DIP2A: variants seen among roughly 807,000 people sequenced by gnomAD.
DIP2A encodes DIP2 acetate--CoA ligase A, also known as disco-interacting protein 2 homolog A.
In DIP2A, 85 loss-of-function variants were observed where a neutral mutation model predicts 177.4. The observed-to-expected ratio is 0.48, with a 90% CI of 0.40 to 0.57. The LOEUF is 0.57. DIP2A is among the 20% of genes least tolerant of loss of function. The pLI is 0.00. For missense variants in DIP2A, 1,791 were observed against 2,100.2 expected, an observed-to-expected ratio of 0.85 and a Z score of 2.88; for synonymous variants, 886 against 881.8, an observed-to-expected ratio of 1.00 and a Z score of -0.08.
At chr21:46,513,319 T>G (rs2058397355) in intron 8 of DIP2A, among the ~76,000 whole-genome samples, 1 of 152,246 alleles carries the variant, frequency 6.6e-6, no homozygotes, top group African/African-American at 2.4e-5. Context: ...CATTTTCTTA[T>G]GAGTATCTAA....
intron 36 of DIP2A, 118 bp downstream of exon 36, chr21:46,566,005 GT>G: frequency 8.4e-7 from 1 of 1,194,260 alleles, no homozygotes; most frequent in Non-Finnish European, 1.2e-6. Context: ...ATTGCTCCTT[GT>G]GGGGGGAAGA....
chr21:46,526,075 A>AT (rs1427493242), intron 8 of DIP2A, among the ~76,000 whole-genome samples: 3 of 150,938 alleles, frequency 2.0e-5, no homozygotes, highest in African/African-American at 7.3e-5. Flanking sequence ...CACCCGGCTA[A>AT]TTTTTTTTAT....
intron 1 of DIP2A, among the ~76,000 whole-genome samples, chr21:46,483,089 A>C (rs1404852280): frequency 6.6e-6 from 1 of 152,128 alleles, no homozygotes; most frequent in Non-Finnish European, 1.5e-5. Context: ...ATGTACTTCC[A>C]AGGGGTACCC....
chr21:46,502,317 A>C (rs1396332272), intron 5 of DIP2A, among the ~76,000 whole-genome samples: 1 of 150,094 alleles, frequency 6.7e-6, no homozygotes, highest in Non-Finnish European at 1.5e-5. Context: ...TTTTTTTAAG[A>C]GATGGGAGCT....
intron 6 of DIP2A, among the ~76,000 whole-genome samples, chr21:46,506,333 G>A (rs2057980809): frequency 6.6e-6 from 1 of 152,114 alleles, no homozygotes; most frequent in South Asian, 2.1e-4. Context: ...GTCCAGGCTG[G>A]TCTCAAACTC....
At chr21:46,479,087 G>A (rs2056146604) in intron 1 of DIP2A, among the ~76,000 whole-genome samples, 1 of 152,190 alleles carries the variant, frequency 6.6e-6, no homozygotes, top group Non-Finnish European at 1.5e-5. Flanking sequence ...TCATACCCAA[G>A]GTGTGGTCCT....
downstream of DIP2A, among the ~76,000 whole-genome samples, chr21:46,573,645 C>CAAAAA (rs201994694): frequency 4.9e-4 from 26 of 52,970 alleles, 2 homozygotes; most frequent in East Asian, 1.0e-3. Flanking sequence ...CCCTCTCTCA[C>CAAAAA]AAAAAAAAAA....
chr21:46,520,714 A>G (rs1188487841), intron 8 of DIP2A, among the ~76,000 whole-genome samples: 1 of 152,236 alleles, frequency 6.6e-6, no homozygotes. Context: ...TTAACATACC[A>G]ATTATATTAA....
In DIP2A at chr21:46,556,187, C is replaced by T. The variant is rs886206869; in HGVS notation, c.3498+96C>T. 11 of 1,406,520 alleles carry T rather than the reference C, an allele frequency of 7.8e-6. No individual in the cohort carries two copies. In the Admixed American group the frequency reaches 1.0e-4, roughly 13 times the overall value. 87.1% of individuals were successfully genotyped at this position (1,406,520 alleles called of 1,614,324 possible). A position where few individuals can be genotyped will look rare whatever the true frequency, so the allele number is the denominator to read the frequency against. On this transcript the variant is annotated intron_variant, in intron 29 of 37. Coordinates refer to ENST00000417564, the MANE Select transcript of DIP2A (RefSeq NM_015151.4). The surrounding 1 kb of genome is among the most constrained non-coding windows in gnomAD (Gnocchi z 4.5). ...TGCAGATTTAAACTGACAGGTCCTT[C>T]TTATGCAAAGCACAAAGCAACAATT...
chr21:46,523,854 A>G (rs1486416344), intron 8 of DIP2A, among the ~76,000 whole-genome samples: 2 of 152,238 alleles, frequency 1.3e-5, no homozygotes, highest in Non-Finnish European at 2.9e-5. Context: ...ATTTTTCAAC[A>G]TGTGGTCTCT....
intron 33 of DIP2A, 130 bp downstream of exon 33, chr21:46,560,913 G>A: frequency 6.7e-7 from 1 of 1,485,968 alleles, no homozygotes; most frequent in Non-Finnish European, 9.0e-7. Context: ...GGCCTACCGG[G>A]ACACCTGGAT....
chr21:46,496,162 G>C (rs570405373), intron 3 of DIP2A, among the ~76,000 whole-genome samples: 6 of 151,606 alleles, frequency 4.0e-5, no homozygotes, highest in African/African-American at 1.5e-4. Context: ...CAGCCTCCTA[G>C]AGCGCTGGGA....
intron 1 of DIP2A, among the ~76,000 whole-genome samples, chr21:46,476,809 C>T (rs2055888849): frequency 6.6e-6 from 1 of 151,970 alleles, no homozygotes; most frequent in African/African-American, 2.4e-5. Flanking sequence ...GTGTGTGCCA[C>T]CATGCCAGGT....
intron 3 of DIP2A, among the ~76,000 whole-genome samples, chr21:46,495,485 C>G (rs544466982): frequency 1.3e-5 from 2 of 152,172 alleles, no homozygotes; most frequent in East Asian, 1.9e-4. Flanking sequence ...CCAGGCTGGT[C>G]TGGAACTCCC....
chr21:46,570,591 G>T (rs1182190913), downstream of DIP2A, among the ~76,000 whole-genome samples: 1 of 152,100 alleles, frequency 6.6e-6, no homozygotes, highest in Non-Finnish European at 1.5e-5. Context: ...TTTTTTAGAT[G>T]TTATATTTAT....
chr21:46,508,781 G>T (rs2058153837), intron 6 of DIP2A, among the ~76,000 whole-genome samples: 1 of 151,914 alleles, frequency 6.6e-6, no homozygotes, highest in African/African-American at 2.4e-5. Flanking sequence ...CCAGCAGTTT[G>T]GGAGGCCAAG....
At chr21:46,573,627 G>C (rs1035598875), downstream of DIP2A, among the ~76,000 whole-genome samples, 2 of 88,474 alleles carry the variant, frequency 2.3e-5, no homozygotes. Flanking sequence ...CTGGGAGACA[G>C]AGTAAGACCC....
Position 46,504,489 on chromosome 21 carries a change from G to A in DIP2A, c.784G>A (p.Gly262Ser). The A allele has an allele frequency of 6.2e-7, 1 of 1,602,878 alleles. No homozygotes were observed. Among genetic ancestry groups the A allele is most frequent in the Non-Finnish European group, 8.5e-7 (1 of 1,174,236 alleles). ...CSGSMLETAD[G>S]VPVNSRVSSK... Reference sequence around the variant, plus strand: ...CGGGAGCATGCTGGAAACAGCAGATGGTGAGCCTGCCTCTCTTTCTCCTCG... The same window carrying A: ...CGGGAGCATGCTGGAAACAGCAGATAGTGAGCCTGCCTCTCTTTCTCCTCG... The change falls in exon 6 of 38, where the codon GGT becomes AGT. Residue 262 changes from glycine to serine, a missense_variant and splice_region_variant. Physicochemically the swap from Gly to Ser is moderately conservative, Grantham distance 56. Transcript: ENST00000417564.
chr21:46,580,847 C>T, the DIP2A span, among the ~76,000 whole-genome samples: 1 of 152,144 alleles, frequency 6.6e-6, no homozygotes, highest in East Asian at 1.9e-4. Flanking sequence ...TGTAGGTGTC[C>T]TGGCCTTTCT....
Sources: gnomAD v4.1 joint callset for allele counts (sites outside exome capture counted in the v4.1 genomes callset) on GRCh38, gnomAD v4.1.1 for gene constraint, Gnocchi (gnomAD v3.1) non-coding constraint, MANE v1.5 for transcripts, NCBI Gene and HGNC (gene_info 2026-07-23, HGNC 2026-07-21) for gene names.